Variants in AKT3 observed in about 807,000 individuals in gnomAD.
The protein encoded by AKT3 is AKT serine/threonine kinase 3, also known as RAC-gamma serine/threonine-protein kinase.
In AKT3, 15 loss-of-function variants were observed where a neutral mutation model predicts 65.3. The observed-to-expected ratio is 0.23, with a 90% CI of 0.15 to 0.35. The LOEUF (loss-of-function observed/expected upper bound fraction) is 0.35, where lower values mean the gene tolerates loss of function less well. AKT3 is among the 10% of genes least tolerant of loss of function. AKT3 has a pLI of 1.00. For missense variants in AKT3, 243 were observed against 576.5 expected (o/e 0.42, Z 5.92); for synonymous variants, 206 against 183.8 (o/e 1.12, Z -0.98).
At chr1:243,668,151 G>C (rs918373558) in intron 3 of AKT3, among the ~76,000 whole-genome samples, 1 of 151,974 alleles carries the variant, frequency 6.6e-6, no homozygotes, top group African/African-American at 2.4e-5. Flanking sequence ...TTAGCACTTA[G>C]AACTATGCCA....
intron 2 of AKT3, among the ~76,000 whole-genome samples, chr1:243,714,349 A>G (rs894373711): frequency 6.6e-6 from 1 of 152,230 alleles, no homozygotes; most frequent in African/African-American, 2.4e-5. Flanking sequence ...CTTTGTACAG[A>G]TATTTTTTCT....
At chr1:243,622,886 G>C (rs2148624162) in intron 6 of AKT3, among the ~76,000 whole-genome samples, 1 of 152,316 alleles carries the variant, frequency 6.6e-6, no homozygotes, top group South Asian at 2.1e-4. Flanking sequence ...AAGAACTTAA[G>C]AGTCCAAGGA....
intron 2 of AKT3, among the ~76,000 whole-genome samples, chr1:243,721,491 G>A (rs1686904701): frequency 1.3e-5 from 2 of 152,118 alleles, no homozygotes; most frequent in South Asian, 4.1e-4. Context: ...GAAGGCTCCT[G>A]TGTCATGTAA....
At chr1:243,553,214 T>C (rs1673188081) in intron 10 of AKT3, among the ~76,000 whole-genome samples, 2 of 151,732 alleles carry the variant, frequency 1.3e-5, no homozygotes, top group Admixed American at 1.3e-4. Flanking sequence ...TGAATATACA[T>C]AAGGATCAAA....
At chr1:243,657,858 T>G (rs1352991136) in intron 4 of AKT3, among the ~76,000 whole-genome samples, 1 of 152,128 alleles carries the variant, frequency 6.6e-6, no homozygotes, top group African/African-American at 2.4e-5. Context: ...TCAAATGATC[T>G]TTGACAAGGG....
Position 243,503,588 on chromosome 1 carries a change from T to G in AKT3, c.*1661A>C, listed in dbSNP as rs1444234961. 4.3e-6 allele frequency: 1 copy of G among 233,030 alleles called. No homozygotes were observed. Among genetic ancestry groups the G allele is most frequent in the Non-Finnish European group, 8.5e-6 (1 of 117,776 alleles). The allele number at this position is 233,030 out of a possible 1,614,324, so 14.4% of individuals were successfully genotyped here. A position where few individuals can be genotyped will look rare whatever the true frequency, so the allele number is the denominator to read the frequency against. On this transcript the variant is annotated 3_prime_UTR_variant, in exon 14 of 14. Coordinates refer to ENST00000673466, the MANE Select transcript of AKT3 (RefSeq NM_005465.7). ...ATTGTCAGCTCCTAGCACCAAAGGGTTTAATCTGAAGATCATCATTAATGA... is the reference window on the plus strand; with the variant it reads ...ATTGTCAGCTCCTAGCACCAAAGGGGTTAATCTGAAGATCATCATTAATGA...
At chr1:243,600,471 C>A (rs1305988104) in intron 8 of AKT3, among the ~76,000 whole-genome samples, 1 of 152,044 alleles carries the variant, frequency 6.6e-6, no homozygotes, top group African/African-American at 2.4e-5. Flanking sequence ...TAGATATAGA[C>A]CAATACAACA....
rs562547590 is a variant in AKT3 at position 243,547,223 on chromosome 1, C to T, written c.1164-1626G>A. Among the ~76,000 whole-genome samples, 6 of 152,210 alleles carry T rather than the reference C, an allele frequency of 3.9e-5. No homozygotes were observed. In the South Asian group the frequency reaches 1.2e-3, roughly 32 times the overall value. On this transcript the variant is annotated intron_variant, in intron 11 of 13. Coordinates refer to ENST00000673466, the MANE Select transcript of AKT3 (RefSeq NM_005465.7). Reference sequence around the variant, plus strand: ...GTAGGCAGGAAGAGATGCATAGTAGCAAACCATTATATATTATGTCCAAAC... The same window carrying T: ...GTAGGCAGGAAGAGATGCATAGTAGTAAACCATTATATATTATGTCCAAAC...
intron 2 of AKT3, among the ~76,000 whole-genome samples, chr1:243,735,322 T>C (rs559421659): frequency 2.0e-5 from 3 of 152,380 alleles, no homozygotes; most frequent in Non-Finnish European, 4.4e-5. Context: ...TGCATTGTGC[T>C]ATGATGTTAC....
In AKT3 at chr1:243,521,254, G is replaced by A. The variant is rs563092023; in HGVS notation, c.1252-8828C>T. Reference sequence around the variant, plus strand: ...TAGGGTCCAAAATCCAGTGAACATAGATGTTTGCAGTAAAGAATTGCCAAC... The same window carrying A: ...TAGGGTCCAAAATCCAGTGAACATAAATGTTTGCAGTAAAGAATTGCCAAC... On this transcript the variant is annotated intron_variant, in intron 12 of 13. Coordinates refer to ENST00000673466, the MANE Select transcript of AKT3 (RefSeq NM_005465.7). Among the ~76,000 whole-genome samples the A allele has an allele frequency of 2.0e-5, 3 of 152,304 alleles. No homozygotes were observed. In the South Asian group the frequency reaches 6.2e-4, roughly 32 times the overall value.
chr1:243,518,168 G>A (rs1346693442), intron 12 of AKT3, among the ~76,000 whole-genome samples: 1 of 152,216 alleles, frequency 6.6e-6, no homozygotes, highest in Non-Finnish European at 1.5e-5. Flanking sequence ...TTTTGCTTTT[G>A]ATTGTTTCTC....
intron 3 of AKT3, among the ~76,000 whole-genome samples, chr1:243,684,040 C>T (rs1033407371): frequency 6.6e-6 from 1 of 152,110 alleles, no homozygotes; most frequent in Admixed American, 6.6e-5. Flanking sequence ...GTCTATACCC[C>T]GTTCCCCTTG....
chr1:243,548,916 C>T (rs999097083), intron 11 of AKT3, among the ~76,000 whole-genome samples: 5 of 152,062 alleles, frequency 3.3e-5, no homozygotes, highest in South Asian at 2.1e-4. Flanking sequence ...AAAATAGCTG[C>T]GTAGAAAAAA....
intron 2 of AKT3, among the ~76,000 whole-genome samples, chr1:243,781,855 C>T (rs1690935781): frequency 6.6e-6 from 1 of 152,130 alleles, no homozygotes; most frequent in South Asian, 2.1e-4. Flanking sequence ...CAGGGTCTTG[C>T]TCAGTCACCC....
intron 8 of AKT3, among the ~76,000 whole-genome samples, chr1:243,586,400 A>T (rs1675806382): frequency 6.6e-6 from 1 of 152,202 alleles, no homozygotes; most frequent in Non-Finnish European, 1.5e-5. Flanking sequence ...CTGAGTGTGT[A>T]CCCAAAAGAA....
At chr1:243,559,505 A>G (rs1333997681) in intron 10 of AKT3, among the ~76,000 whole-genome samples, 1 of 152,160 alleles carries the variant, frequency 6.6e-6, no homozygotes, top group East Asian at 1.9e-4. Flanking sequence ...CTAATTTGCC[A>G]TAAGAAACAA....
intron 4 of AKT3, among the ~76,000 whole-genome samples, chr1:243,653,309 C>A (rs1367865271): frequency 1.3e-5 from 2 of 152,168 alleles, no homozygotes; most frequent in Non-Finnish European, 2.9e-5. Flanking sequence ...GAAGTTGAAT[C>A]CCTGAATAGA....
chr1:243,797,753 TTTAA>T (rs898492540), intron 2 of AKT3, among the ~76,000 whole-genome samples: 1 of 152,064 alleles, frequency 6.6e-6, no homozygotes, highest in African/African-American at 2.4e-5. Flanking sequence ...ATATAGTTCC[TTTAA>T]TTATTCTTAA....
intron 2 of AKT3, among the ~76,000 whole-genome samples, chr1:243,743,938 G>A (rs1399291499): frequency 6.6e-6 from 1 of 152,158 alleles, no homozygotes; most frequent in African/African-American, 2.4e-5. Context: ...CTTAAGGAAA[G>A]CATCTAGCAG....
Sources: gnomAD v4.1 joint callset for allele counts (sites outside exome capture counted in the v4.1 genomes callset) on GRCh38, gnomAD v4.1.1 for gene constraint, MANE v1.5 for transcripts, NCBI Gene and HGNC (gene_info 2026-07-23, HGNC 2026-07-21) for gene names.